Variants in PAPPA observed in about 807,000 individuals in gnomAD.
PAPPA encodes the protein pappalysin 1.
A neutral mutation model predicts 164.0 loss-of-function variants in PAPPA; 60 were observed. The observed-to-expected ratio is 0.37, with a 90% CI of 0.30 to 0.45. The LOEUF (loss-of-function observed/expected upper bound fraction) is 0.45, where lower values mean the gene tolerates loss of function less well. Among genes scored for constraint, PAPPA ranks in the 20% least tolerant of loss-of-function variants. PAPPA has a pLI of 1.00. For synonymous variants in PAPPA, 875 were observed against 814.1 expected (o/e 1.07, Z -1.27); for missense variants, 1,782 against 2,087.3 (o/e 0.85, Z 2.85).
At chr9:116,272,057 T>C (rs1362260174) in intron 9 of PAPPA, among the ~76,000 whole-genome samples, 1 of 152,148 alleles carries the variant, frequency 6.6e-6, no homozygotes, top group Non-Finnish European at 1.5e-5. Context: ...ACCGAGTCAT[T>C]TGGGAAATTT....
intron 7 of PAPPA, among the ~76,000 whole-genome samples, chr9:116,243,812 C>T (rs965483466): frequency 1.3e-5 from 2 of 152,024 alleles, no homozygotes; most frequent in Non-Finnish European, 2.9e-5. Flanking sequence ...TTTCCAGTAA[C>T]CTGTTGCTGA....
intron 2 of PAPPA, among the ~76,000 whole-genome samples, chr9:116,194,530 A>C (rs867775995): frequency 6.6e-6 from 1 of 152,222 alleles, no homozygotes; most frequent in East Asian, 1.9e-4. Flanking sequence ...TGGAAAAATT[A>C]TGCGTGCTAG....
intron 9 of PAPPA, among the ~76,000 whole-genome samples, chr9:116,279,205 G>T (rs1186981219): frequency 6.6e-6 from 1 of 152,134 alleles, no homozygotes; most frequent in East Asian, 1.9e-4. Flanking sequence ...AAGAAATCAG[G>T]GCTTGGGGAA....
At chr9:116,258,970 C>T (rs1207692826) in intron 7 of PAPPA, among the ~76,000 whole-genome samples, 1 of 151,024 alleles carries the variant, frequency 6.6e-6, no homozygotes, top group Non-Finnish European at 1.5e-5. Context: ...CCCATCTCTA[C>T]TAAAAATATA....
At chr9:116,307,823 G>A (rs535799714) in intron 10 of PAPPA, among the ~76,000 whole-genome samples, 1 of 152,224 alleles carries the variant, frequency 6.6e-6, no homozygotes, top group East Asian at 1.9e-4. Flanking sequence ...GAAACCTTGA[G>A]TAAGTTACTC....
intron 17 of PAPPA, among the ~76,000 whole-genome samples, chr9:116,357,941 G>A (rs1846374964): frequency 6.6e-6 from 1 of 152,194 alleles, no homozygotes; most frequent in Non-Finnish European, 1.5e-5. Context: ...GATCACAGAA[G>A]GTGGCTGTGA....
Position 116,255,178 on chromosome 9 carries a change from A to AT in PAPPA, c.2733-10677dup, listed in dbSNP as rs1433549009. Among the ~76,000 whole-genome samples the AT allele has an allele frequency of 1.3e-5, 2 of 151,950 alleles. 1 individual carries two copies. The highest frequency in any genetic ancestry group is 3.9e-4 in the East Asian group (2 of 5,130). On this transcript the variant is annotated intron_variant, in intron 7 of 21. Transcript: ENST00000328252. ...TTTTGTGGTCTGTATTTTACTGGAT[A>AT]TTACTATATGGCTCACTAGGGTGTG...
At chr9:116,194,780 C>G (rs1844084009) in intron 2 of PAPPA, among the ~76,000 whole-genome samples, 1 of 152,084 alleles carries the variant, frequency 6.6e-6, no homozygotes, top group Non-Finnish European at 1.5e-5. Context: ...ATGTGGACAC[C>G]ATATCCTCCC....
intron 1 of PAPPA, among the ~76,000 whole-genome samples, chr9:116,173,094 T>C (rs1457314786): frequency 6.6e-6 from 1 of 152,122 alleles, no homozygotes; most frequent in Non-Finnish European, 1.5e-5. Context: ...TTTCTCAAGG[T>C]CAGCTAGAGA....
At chr9:116,226,307 C>T (rs142200112) in intron 5 of PAPPA, among the ~76,000 whole-genome samples, 81 of 152,166 alleles carry the variant, frequency 5.3e-4, no homozygotes, top group South Asian at 2.3e-3. Context: ...GGAGGAGGAA[C>T]GGGGAGAAAC....
chr9:116,191,289 TC>T (rs980631527), intron 2 of PAPPA, among the ~76,000 whole-genome samples: 2 of 152,118 alleles, frequency 1.3e-5, no homozygotes, highest in African/African-American at 4.8e-5. Flanking sequence ...GTGAGTGAGC[TC>T]CCCTTCACCA....
chr9:116,342,643 GAAAACAA>G (rs557697448), intron 13 of PAPPA, among the ~76,000 whole-genome samples: 353 of 151,990 alleles, frequency 2.3e-3, no homozygotes, highest in African/African-American at 7.4e-3. Context: ...GAAACTGAGA[GAAAACAA>G]AAAACAAAAA....
At chr9:116,233,468 C>A (rs996822460) in intron 6 of PAPPA, among the ~76,000 whole-genome samples, 3 of 152,074 alleles carry the variant, frequency 2.0e-5, no homozygotes, top group South Asian at 2.1e-4. Context: ...TGTTTTACAC[C>A]CTAAACTAAA....
intron 19 of PAPPA, among the ~76,000 whole-genome samples, chr9:116,372,824 A>G (rs1321380971): frequency 6.6e-6 from 1 of 152,200 alleles, no homozygotes; most frequent in Non-Finnish European, 1.5e-5. Context: ...GCAATTCTAT[A>G]TATGCCATTT....
At chr9:116,221,388 C>A (rs1225918989) in intron 5 of PAPPA, among the ~76,000 whole-genome samples, 2 of 152,054 alleles carry the variant, frequency 1.3e-5, no homozygotes, top group African/African-American at 4.8e-5. Flanking sequence ...AAAATAATAA[C>A]CATGCTAATA....
At chr9:116,185,988 C>A (rs1240911803) in intron 1 of PAPPA, among the ~76,000 whole-genome samples, 1 of 152,046 alleles carries the variant, frequency 6.6e-6, no homozygotes, top group Non-Finnish European at 1.5e-5. Context: ...AAGCAGTTGA[C>A]CTTCAACCTG....
chr9:116,177,102 T>C (rs1041852071), intron 1 of PAPPA, among the ~76,000 whole-genome samples: 36 of 152,224 alleles, frequency 2.4e-4, no homozygotes, highest in Non-Finnish European at 1.9e-4. Context: ...ATTTCTCTGA[T>C]ACTTCCCATG....
intron 1 of PAPPA, among the ~76,000 whole-genome samples, chr9:116,159,145 A>AAT (rs1843635922): frequency 6.6e-6 from 1 of 152,218 alleles, no homozygotes; most frequent in South Asian, 2.1e-4. Flanking sequence ...ACAGGCTTGG[A>AAT]ATTTCTCTTA....
At chr9:116,301,712 G>A (rs1280285721) in intron 9 of PAPPA, among the ~76,000 whole-genome samples, 1 of 152,210 alleles carries the variant, frequency 6.6e-6, no homozygotes, top group Non-Finnish European at 1.5e-5. Flanking sequence ...CTGTGGTCTA[G>A]ATGACATGGG....
Sources: allele counts gnomAD v4.1 joint callset (sites outside exome capture counted in the v4.1 genomes callset), GRCh38; gene constraint gnomAD v4.1.1; transcripts MANE v1.5; gene names NCBI Gene and HGNC (gene_info 2026-07-23, HGNC 2026-07-21).